EIF5B: variants seen among roughly 807,000 people sequenced by gnomAD.
The protein encoded by EIF5B is eIF-5B.
A neutral mutation model predicts 147.5 loss-of-function variants in EIF5B; 47 were observed. That is an observed-to-expected ratio of 0.32 (90% CI 0.25 to 0.41). The LOEUF (loss-of-function observed/expected upper bound fraction) is 0.41. Ranked by LOEUF, EIF5B falls within the 10% of genes least tolerant of loss-of-function variation. The pLI is 1.00. For synonymous variants in EIF5B, 455 were observed against 456.2 expected (o/e 1.00, Z 0.03); for missense variants, 1,064 against 1,413.2 (o/e 0.75, Z 3.96).
At chr2:99,358,975 C>T (rs537150987) in intron 1 of EIF5B, among the ~76,000 whole-genome samples, 7 of 152,268 alleles carry the variant, frequency 4.6e-5, no homozygotes, top group African/African-American at 1.4e-4. Flanking sequence ...CCCTATTAAG[C>T]GCCTTAAGGC....
In EIF5B at chr2:99,390,533, A is replaced by T. The variant is rs753198075; in HGVS notation, c.2587-11A>T. 1 of 1,601,320 alleles carries T rather than the reference A, an allele frequency of 6.2e-7. No individual in the cohort carries two copies. The highest frequency in any genetic ancestry group is 1.1e-5 in the South Asian group (1 of 90,272). ...TATGTATGTCTTTCTCTTTGCATTA[A>T]TGCCTTTTAGGTTAAAGCTCTCCCG... On this transcript the variant is annotated splice_polypyrimidine_tract_variant and intron_variant, in intron 16 of 23. Transcript: ENST00000289371.
At chr2:99,382,323 A>T (rs1674707482) in intron 13 of EIF5B, 97 bp downstream of exon 13, 3 of 977,246 alleles carry the variant, frequency 3.1e-6, no homozygotes, top group South Asian at 1.4e-5. Context: ...TAGTAATTTG[A>T]TCTCTATAAC....
At chr2:99,394,645 T>G in intron 20 of EIF5B, 60 bp downstream of exon 20, 2 of 1,611,640 alleles carry the variant, frequency 1.2e-6, no homozygotes, top group Admixed American at 3.4e-5. Context: ...AAAACTGTCC[T>G]ATCTTAAAAA....
At chr2:99,375,916 C>T (rs1318154010) in intron 9 of EIF5B, among the ~76,000 whole-genome samples, 6 of 152,154 alleles carry the variant, frequency 3.9e-5, no homozygotes, top group South Asian at 2.1e-4. Flanking sequence ...CAGGTTTTTC[C>T]GATTTCAGAT....
chr2:99,337,454 G>T lies in EIF5B; in HGVS notation c.-101G>T, dbSNP rs746583086. On this transcript the variant is annotated 5_prime_UTR_variant, in exon 1 of 24. Coordinates refer to ENST00000289371, the MANE Select transcript of EIF5B (RefSeq NM_015904.4). ...AGCCGGGTGCGAGCGGCGGCAGCAC[G>T]AGGGGAAAAGAGCTGAGCGGAGACC... The T allele has an allele frequency of 3.5e-5, 51 of 1,474,362 alleles. No individual in the cohort carries two copies. Among genetic ancestry groups the T allele is most frequent in the Non-Finnish European group, 4.6e-5 (49 of 1,076,016 alleles). The allele number at this position is 1,474,362 out of a possible 1,614,324, so 91.3% of individuals were successfully genotyped here. A position where few individuals can be genotyped will look rare whatever the true frequency, so the allele number is the denominator to read the frequency against.
At chr2:99,360,442 A>G in intron 2 of EIF5B, 23 bp from the exon 3 acceptor site, 10 of 1,609,466 alleles carry the variant, frequency 6.2e-6, no homozygotes, top group Non-Finnish European at 8.5e-6. Flanking sequence ...AGTGCTTCAC[A>G]ATGTATTTTA....
At chr2:99,350,061 G>T (rs77135566) in intron 1 of EIF5B, among the ~76,000 whole-genome samples, 1 of 152,046 alleles carries the variant, frequency 6.6e-6, no homozygotes, top group Admixed American at 6.6e-5. Context: ...TCCATATATG[G>T]CATCTTTCAC....
chr2:99,401,268 A>G lies in EIF5B; in HGVS notation c.*1854A>G, dbSNP rs369323449. 6.2e-7 allele frequency: 1 copy of G among 1,611,872 alleles called. No individual in the cohort carries two copies. Among genetic ancestry groups the G allele is most frequent in the Non-Finnish European group, 8.5e-7 (1 of 1,178,094 alleles). On this transcript the variant is annotated 3_prime_UTR_variant, in exon 24 of 24. Coordinates refer to ENST00000289371, the MANE Select transcript of EIF5B (RefSeq NM_015904.4). ...ATGTAACTTTTAATGTGCTTCCATA[A>G]GTTTGTTGTAAAACCACCTGGACAT...
rs969210274 is a variant in EIF5B at position 99,361,897 on chromosome 2, C to T, written c.919+77C>T. On this transcript the variant is annotated intron_variant, in intron 4 of 23. Transcript: ENST00000289371. Reference sequence around the variant, plus strand: ...AGTTGTAATCATTGTGCCCCAAGGTCGTTTTGTTATTTGTCCATGGGTATA... The same window carrying T: ...AGTTGTAATCATTGTGCCCCAAGGTTGTTTTGTTATTTGTCCATGGGTATA... 5.1e-6 allele frequency: 7 copies of T among 1,374,718 alleles called. No individual in the cohort carries two copies. The South Asian group carries it at 5.7e-5, about 11-fold the overall frequency. The allele number at this position is 1,374,718 out of a possible 1,614,324, so 85.2% of individuals were successfully genotyped here. A position where few individuals can be genotyped will look rare whatever the true frequency, so the allele number is the denominator to read the frequency against.
chr2:99,399,423 C>A lies in EIF5B; in HGVS notation c.*9C>A. The stretch of plus-strand genomic sequence containing the variant: ...TATTTGAAATCATCTAATTTTTTCA[C>A]ATGGAGCAGGAACTGGAGTAAATGC... On this transcript the variant is annotated 3_prime_UTR_variant, in exon 24 of 24. Coordinates refer to ENST00000289371, the MANE Select transcript of EIF5B (RefSeq NM_015904.4). The A allele has an allele frequency of 6.2e-7, 1 of 1,611,982 alleles. No homozygotes were observed.
chr2:99,341,042 G>A (rs1335272043), intron 1 of EIF5B, among the ~76,000 whole-genome samples: 1 of 152,168 alleles, frequency 6.6e-6, no homozygotes, highest in Non-Finnish European at 1.5e-5. Context: ...GGAATTACAG[G>A]TGTGATTCAC....
intron 18 of EIF5B, among the ~76,000 whole-genome samples, chr2:99,393,490 C>A (rs373475101): frequency 6.6e-6 from 1 of 151,510 alleles, no homozygotes; most frequent in East Asian, 1.9e-4. Flanking sequence ...TGGGTGACAG[C>A]AGGACCCTGT....
chr2:99,338,348 C>T (rs1176445952), intron 1 of EIF5B: 1 of 1,288,954 alleles, frequency 7.8e-7, no homozygotes, highest in South Asian at 1.2e-5. Flanking sequence ...CTGTGTGTCA[C>T]ATTCGATTGA....
chr2:99,392,881 A>G, intron 17 of EIF5B, 86 bp from the exon 18 acceptor site: 1 of 1,221,450 alleles, frequency 8.2e-7, no homozygotes. Flanking sequence ...CCTCTCTCTA[A>G]TATCATGATG....
Position 99,354,798 on chromosome 2 carries a change from T to G in EIF5B, c.36-5438T>G, listed in dbSNP as rs1674059265. Among the ~76,000 whole-genome samples, 6 of 1,366 alleles carry G rather than the reference T, an allele frequency of 4.4e-3. No homozygotes were observed. In the Admixed American group the frequency reaches 0.064, roughly 15 times the overall value. The allele number at this position is 1,366 out of a possible 152,430, so 0.9% of individuals were successfully genotyped here. On this transcript the variant is annotated intron_variant, in intron 1 of 23. Transcript: ENST00000289371. ...TTGTCAAAAATTAATTGGTTGTACT[T>G]TTTTTTTTTTTTTTTTTTTTTTGAG...
chr2:99,396,518 T>TA, intron 21 of EIF5B, among the ~76,000 whole-genome samples: 1 of 152,292 alleles, frequency 6.6e-6, no homozygotes, highest in East Asian at 1.9e-4. Flanking sequence ...GGTAGGGCTT[T>TA]AAAAGAGAAG....
chr2:99,351,504 C>T (rs537079807), intron 1 of EIF5B, among the ~76,000 whole-genome samples: 38 of 152,124 alleles, frequency 2.5e-4, no homozygotes, highest in African/African-American at 6.5e-4. Context: ...ATTGCTGGGT[C>T]GTATGGTAAG....
chr2:99,350,490 A>G (rs1378978114), intron 1 of EIF5B, among the ~76,000 whole-genome samples: 2 of 151,838 alleles, frequency 1.3e-5, no homozygotes, highest in East Asian at 3.9e-4. Flanking sequence ...GTGATATCTC[A>G]TTGTGGTTTT....
In EIF5B at chr2:99,360,244, A is replaced by T. The variant is rs775485454; in HGVS notation, c.44A>T (p.Asp15Val). The change falls in exon 2 of 24, where the codon GAT (aspartate) becomes GTT (valine). Residue 15 changes from aspartate to valine, a missense_variant. This residue lies in a region of EIF5B where 458 missense variants were observed against 451.3 expected (regional missense o/e 1.01). Coordinates refer to ENST00000289371, the MANE Select transcript of EIF5B (RefSeq NM_015904.4). ...QKNKSEDSTK[D>V]DIDLDALAAE... ...TTTTGTTTTCATTTAAGCACCAAGG[A>T]TGACATTGATCTTGATGCCTTGGCT... 3 of 1,596,140 alleles carry T rather than the reference A, an allele frequency of 1.9e-6. No individual in the cohort carries two copies. Among genetic ancestry groups the T allele is most frequent in the Non-Finnish European group, 2.6e-6 (3 of 1,174,924 alleles).
Sources: gnomAD v4.1 joint callset for allele counts (sites outside exome capture counted in the v4.1 genomes callset) on GRCh38, gnomAD v4.1.1 for gene constraint, gnomAD v4.1.1 regional missense constraint, MANE v1.5 for transcripts, NCBI Gene and HGNC (gene_info 2026-07-23, HGNC 2026-07-21) for gene names.